VAV3: variants seen among roughly 807,000 people sequenced by gnomAD.
VAV3 encodes the protein guanine nucleotide exchange factor VAV3.
In VAV3, 94 loss-of-function variants were observed where a neutral mutation model predicts 131.2. The ratio of observed to expected loss-of-function variants is 0.72; its 90% CI spans 0.61 to 0.85. The LOEUF is 0.85. Ranked by LOEUF, VAV3 falls within the 40% of genes least tolerant of loss-of-function variation. The pLI is 0.00. For missense variants in VAV3, 939 were observed against 1,002.7 expected (o/e 0.94, Z 0.86); for synonymous variants, 349 against 342.0 (o/e 1.02, Z -0.22).
intron 2 of VAV3, among the ~76,000 whole-genome samples, chr1:107,816,429 T>C (rs1205684806): frequency 3.3e-5 from 5 of 152,206 alleles, no homozygotes; most frequent in East Asian, 1.9e-4. Flanking sequence ...TAAATCACTA[T>C]TGATTTCTTA....
chr1:107,938,323 G>A (rs887749519), intron 1 of VAV3, among the ~76,000 whole-genome samples: 9 of 152,176 alleles, frequency 5.9e-5, no homozygotes, highest in African/African-American at 2.2e-4. Context: ...TGAGGAGGAA[G>A]GAGCCGCCAG....
chr1:107,814,314 T>C (rs1036284155), intron 2 of VAV3, among the ~76,000 whole-genome samples: 11 of 152,216 alleles, frequency 7.2e-5, no homozygotes, highest in South Asian at 2.1e-4. Flanking sequence ...CAGCACCCAT[T>C]AGTTTTTGTC....
intron 18 of VAV3, among the ~76,000 whole-genome samples, chr1:107,684,870 C>T (rs556379498): frequency 9.8e-5 from 15 of 152,290 alleles, no homozygotes; most frequent in Admixed American, 9.8e-4. Flanking sequence ...TCTTTTCTGT[C>T]TGAAATTTTA....
intron 15 of VAV3, among the ~76,000 whole-genome samples, chr1:107,715,063 T>C (rs988029544): frequency 6.6e-6 from 1 of 152,174 alleles, no homozygotes. Context: ...TTTATGTTTA[T>C]TACAAAATTA....
chr1:107,929,137 C>A (rs1673296854), intron 1 of VAV3, among the ~76,000 whole-genome samples: 1 of 151,530 alleles, frequency 6.6e-6, no homozygotes, highest in African/African-American at 2.4e-5. Context: ...AATTTATGCC[C>A]ATTAGCCAGG....
At chr1:107,576,572 C>T (rs1020173203) in intron 25 of VAV3, 29 of 1,026,358 alleles carry the variant, frequency 2.8e-5, no homozygotes, top group African/African-American at 5.0e-5. Flanking sequence ...TTTCCTATCA[C>T]CATTTCTAAA....
chr1:107,938,444 A>G (rs1203445156), intron 1 of VAV3, among the ~76,000 whole-genome samples: 5 of 152,182 alleles, frequency 3.3e-5, no homozygotes. Flanking sequence ...GAATAGGGAT[A>G]AATTCCCAAA....
chr1:107,897,953 A>AT (rs1557910040), intron 1 of VAV3, among the ~76,000 whole-genome samples: 2 of 152,148 alleles, frequency 1.3e-5, no homozygotes, highest in Non-Finnish European at 2.9e-5. Context: ...ATCTTAAAAG[A>AT]TTTTTTATGA....
intron 15 of VAV3, among the ~76,000 whole-genome samples, chr1:107,722,840 C>CTCTCTT (rs371987024): frequency 0.013 from 1,624 of 129,778 alleles, 43 homozygotes; most frequent in Admixed American, 0.014. Flanking sequence ...ATTATCCTCT[C>CTCTCTT]TTTTTTTTTT....
At chr1:107,603,290 C>A in intron 22 of VAV3, 127 bp from the exon 23 acceptor site, 1 of 676,162 alleles carries the variant, frequency 1.5e-6, no homozygotes. Flanking sequence ...ATACTAATTA[C>A]ATTGTTTAAG....
intron 20 of VAV3, among the ~76,000 whole-genome samples, chr1:107,635,189 T>G (rs1406906585): frequency 6.6e-6 from 1 of 152,120 alleles, no homozygotes; most frequent in Non-Finnish European, 1.5e-5. Flanking sequence ...ATTGCATCAC[T>G]ATTCACAATA....
chr1:107,887,355 C>G (rs1017816516), intron 1 of VAV3, among the ~76,000 whole-genome samples: 1 of 152,146 alleles, frequency 6.6e-6, no homozygotes, highest in Non-Finnish European at 1.5e-5. Flanking sequence ...ACAGCAATAT[C>G]AATAATACTC....
At chr1:107,833,263 T>C (rs1288075166) in intron 2 of VAV3, among the ~76,000 whole-genome samples, 2 of 152,202 alleles carry the variant, frequency 1.3e-5, no homozygotes, top group East Asian at 1.9e-4. Context: ...GTGAAAGTTT[T>C]CGTGGTCTGG....
chr1:107,803,617 T>C (rs1292995558), intron 2 of VAV3, among the ~76,000 whole-genome samples: 1 of 152,036 alleles, frequency 6.6e-6, no homozygotes, highest in Non-Finnish European at 1.5e-5. Context: ...AAAAAATACA[T>C]GTGATATATT....
At chr1:107,871,710 C>T (rs1220594062) in intron 2 of VAV3, among the ~76,000 whole-genome samples, 1 of 152,150 alleles carries the variant, frequency 6.6e-6, no homozygotes, top group African/African-American at 2.4e-5. Flanking sequence ...TTTGTGTTAA[C>T]ACTGTTTCCA....
At chr1:107,650,909 T>A (rs1363905856) in intron 19 of VAV3, among the ~76,000 whole-genome samples, 1 of 151,974 alleles carries the variant, frequency 6.6e-6, no homozygotes, top group South Asian at 2.1e-4. Context: ...AATGATAGAC[T>A]GGATTAAGAA....
intron 22 of VAV3, 45 bp downstream of exon 22, chr1:107,609,886 G>A (rs1180996022): frequency 6.3e-7 from 1 of 1,587,386 alleles, no homozygotes; most frequent in Admixed American, 1.7e-5. Flanking sequence ...TGGAGCTAAG[G>A]GTATGGTATT....
intron 2 of VAV3, among the ~76,000 whole-genome samples, chr1:107,816,117 G>A (rs1667549937): frequency 6.6e-6 from 1 of 152,136 alleles, no homozygotes; most frequent in Non-Finnish European, 1.5e-5. Flanking sequence ...GTTCCTAACA[G>A]GCCATGGACC....
chr1:107,687,555 C>CAAA (rs1433759903), intron 18 of VAV3, among the ~76,000 whole-genome samples: 3 of 151,810 alleles, frequency 2.0e-5, no homozygotes, highest in African/African-American at 4.8e-5. Context: ...TTGCTATGGC[C>CAAA]ATTTGTGGGG....
Sources: allele counts gnomAD v4.1 joint callset (sites outside exome capture counted in the v4.1 genomes callset), GRCh38; gene constraint gnomAD v4.1.1; transcripts MANE v1.5; gene names NCBI Gene and HGNC (gene_info 2026-07-23, HGNC 2026-07-21).